Variants in AHNAK2 observed in about 807,000 individuals in gnomAD.
The protein encoded by AHNAK2 is protein AHNAK2.
A neutral mutation model predicts 30.7 loss-of-function variants in AHNAK2; 18 were observed. The observed-to-expected ratio is 0.59, with a 90% CI of 0.41 to 0.87. AHNAK2 has a LOEUF of 0.87. Among genes scored for constraint, AHNAK2 ranks in the 40% least tolerant of loss-of-function variants. The pLI is 0.00. For synonymous variants in AHNAK2, 3,590 were observed against 3,073.8 expected (o/e 1.17, Z -5.56); for missense variants, 8,604 against 7,373.0 (o/e 1.17, Z -6.11).
chr14:104,946,111 C>T lies in AHNAK2; in HGVS notation c.9340G>A (p.Glu3114Lys), dbSNP rs777759148. The T allele has an allele frequency of 1.7e-5, 28 of 1,611,452 alleles. No individual in the cohort carries two copies. The highest frequency in any genetic ancestry group is 4.0e-5 in the African/African-American group (3 of 74,336). The change falls in exon 7 of 7, where the codon GAG becomes AAG. Residue 3114 changes from glutamate to lysine, a missense_variant. By Grantham distance (56) the Glu-to-Lys change is moderately conservative. Transcript: ENST00000333244. ...CCATCCAACTTGGCTCCTGGGGCCTCGACATCCACCTCCATGCCGGGCTGA... is the reference window on the plus strand; with the variant it reads ...CCATCCAACTTGGCTCCTGGGGCCTTGACATCCACCTCCATGCCGGGCTGA... ...VSQPGMEVDV[E>K]APGAKLDGAR...
chr14:104,942,476 C>T lies in AHNAK2; in HGVS notation c.12975G>A (p.Ala4325=), dbSNP rs527747031. 116 of 1,612,950 alleles carry T rather than the reference C, an allele frequency of 7.2e-5. No individual in the cohort carries two copies. The highest frequency in any genetic ancestry group is 2.3e-4 in the Admixed American group (14 of 59,950). ...KSIEASLDVS[A]LKVEADVSLP... is the part of the protein sequence containing the mutation. The stretch of plus-strand genomic sequence containing the variant: ...GGCTCACGTCAGCCTCCACCTTCAG[C>T]GCAGACACATCCAACGAGGCCTCGA... Residue 4325 remains alanine, a synonymous_variant, in exon 7 of 7, where the codon GCG becomes GCA. Coordinates refer to ENST00000333244, the MANE Select transcript of AHNAK2 (RefSeq NM_138420.4).
In AHNAK2 at chr14:104,952,801, G is replaced by T; in HGVS notation, c.2650C>A (p.Gln884Lys). 1 of 1,612,510 alleles carries T rather than the reference G, an allele frequency of 6.2e-7. No homozygotes were observed. The highest frequency in any genetic ancestry group is 8.5e-7 in the Non-Finnish European group (1 of 1,179,556). Residue 884 changes from glutamine to lysine, a missense_variant, in exon 7 of 7, where the codon CAG becomes AAG. Physicochemically the swap from Gln to Lys is moderately conservative, Grantham distance 53. Transcript: ENST00000333244. The part of the protein sequence containing the change: ...GDLKATDLSI[Q>K]PPSADLEVQA... Reference sequence around the variant, plus strand: ...ACCTCCAGGTCAGCGGAAGGGGGCTGAATGCTGAGGTCAGTGGCCTTGAGG... The same window carrying T: ...ACCTCCAGGTCAGCGGAAGGGGGCTTAATGCTGAGGTCAGTGGCCTTGAGG...
chr14:104,952,357 G>T lies in AHNAK2; in HGVS notation c.3094C>A (p.Leu1032Met), dbSNP rs140208061. The T allele has an allele frequency of 2.8e-4, 441 of 1,599,742 alleles. 4 individuals carry two copies. The Middle Eastern group carries it at 5.2e-3, about 19-fold the overall frequency. ...DVSAPKVEAD[L>M]SLPSMQGDLK... ...TCCCCCTGCATGGAGGGGAGACTCAGGTCGGCCTCCACCTTGGGTGCAGAC... is the reference window on the plus strand; with the variant it reads ...TCCCCCTGCATGGAGGGGAGACTCATGTCGGCCTCCACCTTGGGTGCAGAC... Residue 1032 changes from leucine (L) to methionine (M), a missense_variant, in exon 7 of 7, where the codon CTG becomes ATG. Coordinates refer to ENST00000333244, the MANE Select transcript of AHNAK2 (RefSeq NM_138420.4).
rs765220691 is a variant in AHNAK2 at position 104,952,621 on chromosome 14, C to A, written c.2830G>T (p.Asp944Tyr). ...ACTTCCGCCTTGGGGCCTTTCAGGT[C>A]CAGCTTGGGGCCCTTAACATCTATC... Reference protein sequence around the residue: ...PQIDVKGPKLDLKGPKAEVTA... With the variant: ...PQIDVKGPKLYLKGPKAEVTA... The change falls in exon 7 of 7, where the codon GAC (aspartate) becomes TAC (tyrosine). Residue 944 changes from aspartate (D) to tyrosine (Y), a missense_variant. Coordinates refer to ENST00000333244, the MANE Select transcript of AHNAK2 (RefSeq NM_138420.4). 1.1e-5 allele frequency: 17 copies of A among 1,612,514 alleles called. No individual in the cohort carries two copies. The highest frequency in any genetic ancestry group is 1.6e-4 in the Middle Eastern group (1 of 6,072).
At chr14:104,964,042 G>A (rs1396623391) in intron 1 of AHNAK2, among the ~76,000 whole-genome samples, 1 of 152,092 alleles carries the variant, frequency 6.6e-6, no homozygotes, top group Non-Finnish European at 1.5e-5. Flanking sequence ...TCGATAAATT[G>A]CAGCTATCTT....
At chr14:104,971,794 C>T (rs1158733676) in intron 1 of AHNAK2, among the ~76,000 whole-genome samples, 1 of 152,264 alleles carries the variant, frequency 6.6e-6, no homozygotes, top group African/African-American at 2.4e-5. Context: ...CCCCTGGGAT[C>T]CCAGTGTGCC....
intron 1 of AHNAK2, among the ~76,000 whole-genome samples, chr14:104,975,462 G>A (rs1391121709): frequency 2.0e-5 from 3 of 151,666 alleles, no homozygotes; most frequent in Non-Finnish European, 4.4e-5. Flanking sequence ...CACCTCACTG[G>A]AGGGCACTCC....
In AHNAK2 at chr14:104,948,083, C is replaced by G. The variant is rs375785586; in HGVS notation, c.7368G>C (p.Pro2456=). 6.2e-7 allele frequency: 1 copy of G among 1,610,922 alleles called. No homozygotes were observed. The highest frequency in any genetic ancestry group is 8.5e-7 in the Non-Finnish European group (1 of 1,179,078). The part of the protein sequence containing the change: ...QPSVEVDVEA[P]GAKLDGAWLE... ...GCCACGCACCATCCAGCTTGGCTCCCGGGGCCTCGACATCCACCTCCACGC... is the reference window on the plus strand; with the variant it reads ...GCCACGCACCATCCAGCTTGGCTCCGGGGGCCTCGACATCCACCTCCACGC... The change falls in exon 7 of 7, where the codon CCG becomes CCC. Residue 2456 remains proline (P), a synonymous_variant. Coordinates refer to ENST00000333244, the MANE Select transcript of AHNAK2 (RefSeq NM_138420.4).
At chr14:104,971,020 C>T (rs980392276) in intron 1 of AHNAK2, among the ~76,000 whole-genome samples, 1 of 152,156 alleles carries the variant, frequency 6.6e-6, no homozygotes, top group South Asian at 2.1e-4. Context: ...CCAGGGCAGC[C>T]GACCCTGGCC....
chr14:104,957,741 GC>G, intron 1 of AHNAK2, 69 bp from the exon 2 acceptor site: 1 of 1,481,620 alleles, frequency 6.7e-7, no homozygotes, highest in Non-Finnish European at 9.2e-7. Flanking sequence ...GGGGGAGGGA[GC>G]CAGGACTGTA....
In AHNAK2 at chr14:104,944,905, G is replaced by C; in HGVS notation, c.10546C>G (p.Leu3516Val). 1 of 1,613,194 alleles carries C rather than the reference G, an allele frequency of 6.2e-7. No homozygotes were observed. Among genetic ancestry groups the C allele is most frequent in the Non-Finnish European group, 8.5e-7 (1 of 1,179,626 alleles). ...TGAATGCTGAGGTCAGTGGCCTTGA[G>C]GTCCCCCTGCATGGAGGAGAGGCTC... ...DVSLSSMQGD[L>V]KATDLSIQPP... The change falls in exon 7 of 7, where the codon CTC (leucine) becomes GTC (valine). Residue 3516 changes from leucine to valine, a missense_variant. Physicochemically the swap from Leu to Val is conservative, Grantham distance 32. Coordinates refer to ENST00000333244, the MANE Select transcript of AHNAK2 (RefSeq NM_138420.4).
intron 1 of AHNAK2, among the ~76,000 whole-genome samples, chr14:104,973,647 G>T (rs891193977): frequency 1.3e-5 from 2 of 152,312 alleles, no homozygotes; most frequent in East Asian, 3.9e-4. Flanking sequence ...AGCTGCCCCT[G>T]CTTGGCTATA....
In AHNAK2 at chr14:104,950,186, G is replaced by A. The variant is rs1458917857; in HGVS notation, c.5265C>T (p.Ala1755=). Residue 1755 remains alanine, a synonymous_variant, in exon 7 of 7, where the codon GCC becomes GCT. Coordinates refer to ENST00000333244, the MANE Select transcript of AHNAK2 (RefSeq NM_138420.4). ...TGACGTCCATCTGGGGGCCCTTGAG[G>A]GCCACTTTGGGCATCTTCAAACTGG... ...QMPSLKMPKV[A]LKGPQMDVKG... The A allele has an allele frequency of 3.9e-5, 62 of 1,585,714 alleles. 6 individuals are homozygous for A. In the African/African-American group the frequency reaches 6.8e-4, roughly 17 times the overall value.
Position 104,945,925 on chromosome 14 carries a change from C to A in AHNAK2, c.9526G>T (p.Asp3176Tyr), listed in dbSNP as rs183427491. The change falls in exon 7 of 7, where the codon GAC becomes TAC. Residue 3176 changes from aspartate to tyrosine, a missense_variant. By Grantham distance (160) the Asp-to-Tyr change is radical. Coordinates refer to ENST00000333244, the MANE Select transcript of AHNAK2 (RefSeq NM_138420.4). Reference protein sequence around the residue: ...VDVSAPKVEADLSLPSMQGDL... With the variant: ...VDVSAPKVEAYLSLPSMQGDL... ...CCCTGCATGGAGGGGAGGCTCAGGT[C>A]GGCCTCCACCTTTGGCGCAGACACA... is the stretch of plus-strand genomic sequence containing the variant. 1 of 1,248,234 alleles carries A rather than the reference C, an allele frequency of 8.0e-7. No homozygotes were observed. Among genetic ancestry groups the A allele is most frequent in the Non-Finnish European group, 1.1e-6 (1 of 881,724 alleles). The allele number at this position is 1,248,234 out of a possible 1,614,324, so 77.3% of individuals were successfully genotyped here. A position where few individuals can be genotyped will look rare whatever the true frequency, so the allele number is the denominator to read the frequency against.
rs755900594 is a variant in AHNAK2 at position 104,942,935 on chromosome 14, C to A, written c.12516G>T (p.Met4172Ile). ...KAKADVSLPSMQGDLKTTDLS... is the reference protein window; with the variant it reads ...KAKADVSLPSIQGDLKTTDLS... ...GGTCAGTGGTCTTGAGGTCCCCCTG[C>A]ATGGAGGGGAGGCTCACGTCGGCTT... The change falls in exon 7 of 7, where the codon ATG becomes ATT. Residue 4172 changes from methionine to isoleucine, a missense_variant. Transcript: ENST00000333244. 1 of 1,613,372 alleles carries A rather than the reference C, an allele frequency of 6.2e-7. No homozygotes were observed. Among genetic ancestry groups the A allele is most frequent in the Non-Finnish European group, 8.5e-7 (1 of 1,179,634 alleles).
At position 104,952,972 on chromosome 14, in the gene AHNAK2, T is replaced by G; in HGVS notation, c.2479A>C (p.Thr827Pro). ...ATTTTGAACTTGCTGTCTTTGGCAG[T>G]CACCTCCTTGTCGGCCAGGGACAGG... ...GDLSLADKEV[T>P]AKDSKFKMPK... The change falls in exon 7 of 7, where the codon ACT becomes CCT. Residue 827 changes from threonine (T) to proline (P), a missense_variant. By Grantham distance (38) the Thr-to-Pro change is conservative. Transcript: ENST00000333244. 1 of 1,611,206 alleles carries G rather than the reference T, an allele frequency of 6.2e-7. No individual in the cohort carries two copies. The highest frequency in any genetic ancestry group is 8.5e-7 in the Non-Finnish European group (1 of 1,179,154).
chr14:104,968,068 CGCCTGAGCCAG>C (rs1704943334), intron 1 of AHNAK2, among the ~76,000 whole-genome samples: 1 of 152,228 alleles, frequency 6.6e-6, no homozygotes, highest in African/African-American at 2.4e-5. Context: ...GGAGGTGACT[CGCCTGAGCCAG>C]GCCCAGCTGG....
chr14:104,945,635 G>A lies in AHNAK2; in HGVS notation c.9816C>T (p.Pro3272=), dbSNP rs1261179480. 7.0e-6 allele frequency: 11 copies of A among 1,565,518 alleles called. No individual in the cohort carries two copies. The highest frequency in any genetic ancestry group is 4.1e-5 in the African/African-American group (3 of 73,002). Reference sequence around the variant, plus strand: ...GGGCCTCGACGTCCACCTCCATGCTGGGCTGAGACACCTCCACGTCGGGGG... The same window carrying A: ...GGGCCTCGACGTCCACCTCCATGCTAGGCTGAGACACCTCCACGTCGGGGG... The part of the protein sequence containing the change: ...VTAPDVEVSQ[P]SMEVDVEAPG... The change falls in exon 7 of 7, where the codon CCC becomes CCT. Residue 3272 remains proline, a synonymous_variant. Coordinates refer to ENST00000333244, the MANE Select transcript of AHNAK2 (RefSeq NM_138420.4).
rs762233849 is a variant in AHNAK2 at position 104,946,826 on chromosome 14, G to A, written c.8625C>T (p.Gly2875=). The A allele has an allele frequency of 6.2e-7, 1 of 1,612,734 alleles. No homozygotes were observed. The highest frequency in any genetic ancestry group is 1.7e-5 in the Admixed American group (1 of 59,932). The change falls in exon 7 of 7, where the codon GGC becomes GGT. Residue 2875 remains glycine (G), a synonymous_variant. Transcript: ENST00000333244. ...CCTCTGGGAGTTTCACGTCCACCTG[G>A]CCAGCCTGGACCTCCAGTTGGGCGG... The part of the protein sequence containing the change: ...PPSAQLEVQA[G]QVDVKLPEGH...
Sources: gnomAD v4.1 joint callset for allele counts (sites outside exome capture counted in the v4.1 genomes callset) on GRCh38, gnomAD v4.1.1 for gene constraint, MANE v1.5 for transcripts, NCBI Gene and HGNC (gene_info 2026-07-23, HGNC 2026-07-21) for gene names.